Variants in CAMK4 observed in about 807,000 individuals in gnomAD.
CAMK4 encodes the protein calcium/calmodulin dependent protein kinase IV.
CAMK4 carries 22 observed loss-of-function variants against 44.9 expected under a neutral mutation model. The observed-to-expected ratio is 0.49, with a 90% confidence interval of 0.35 to 0.70. The LOEUF is 0.70. Ranked by LOEUF, CAMK4 falls within the 30% of genes least tolerant of loss-of-function variation. The pLI, the probability that CAMK4 is intolerant of heterozygous loss-of-function variation, is 0.01. For missense variants in CAMK4, 498 were observed against 586.8 expected, an observed-to-expected ratio of 0.85 and a Z score of 1.56; for synonymous variants, 218 against 215.4, an observed-to-expected ratio of 1.01 and a Z score of -0.11.
At chr5:111,288,542 A>G (rs73786873) in intron 1 of CAMK4, among the ~76,000 whole-genome samples, 3,168 of 152,266 alleles carry the variant, frequency 0.021, 108 homozygotes, top group African/African-American at 0.072. Flanking sequence ...ACTGTTTCAC[A>G]TTTAAGGCCT....
chr5:111,293,169 C>T (rs1747343627), intron 1 of CAMK4, among the ~76,000 whole-genome samples: 2 of 152,138 alleles, frequency 1.3e-5, no homozygotes, highest in South Asian at 2.1e-4. Flanking sequence ...TTGACACACA[C>T]ATTTATTATT....
chr5:111,411,528 C>T (rs1269035540), intron 5 of CAMK4, among the ~76,000 whole-genome samples: 3 of 152,206 alleles, frequency 2.0e-5, no homozygotes, highest in Non-Finnish European at 4.4e-5. Context: ...ACAGATGACT[C>T]TTCCACTGTG....
intron 1 of CAMK4, among the ~76,000 whole-genome samples, chr5:111,322,934 A>G (rs758208040): frequency 6.6e-6 from 1 of 152,144 alleles, no homozygotes; most frequent in African/African-American, 2.4e-5. Context: ...AGACAAATCA[A>G]TAGAAATTGT....
chr5:111,245,437 C>T (rs1422412730), intron 1 of CAMK4, among the ~76,000 whole-genome samples: 2 of 152,138 alleles, frequency 1.3e-5, no homozygotes, highest in South Asian at 2.1e-4. Context: ...ATTCACATGC[C>T]TATATCTAAG....
intron 7 of CAMK4, among the ~76,000 whole-genome samples, chr5:111,466,960 CA>C (rs1754857623): frequency 6.6e-6 from 1 of 151,980 alleles, no homozygotes; most frequent in African/African-American, 2.4e-5. Flanking sequence ...CCTTAGTCAC[CA>C]AAACAACATG....
At chr5:111,395,742 A>G (rs1385267062) in intron 5 of CAMK4, among the ~76,000 whole-genome samples, 5 of 152,174 alleles carry the variant, frequency 3.3e-5, no homozygotes, top group African/African-American at 9.7e-5. Context: ...ATCAGACTCA[A>G]CTGACTAAAA....
At chr5:111,318,277 A>G (rs948264680) in intron 1 of CAMK4, among the ~76,000 whole-genome samples, 2 of 152,116 alleles carry the variant, frequency 1.3e-5, no homozygotes, top group African/African-American at 4.8e-5. Context: ...GGTGGATCAC[A>G]ATTCTTTATG....
intron 5 of CAMK4, among the ~76,000 whole-genome samples, chr5:111,443,311 C>CT (rs1475873051): frequency 6.6e-5 from 8 of 120,478 alleles, no homozygotes; most frequent in African/African-American, 2.4e-4. Context: ...CACACACACA[C>CT]ACACTATATA....
At chr5:111,270,258 T>G (rs532522502) in intron 1 of CAMK4, among the ~76,000 whole-genome samples, 59 of 152,334 alleles carry the variant, frequency 3.9e-4, no homozygotes, top group Non-Finnish European at 6.3e-4. Context: ...TCTAAAAGGT[T>G]ACGTAAAACC....
intron 1 of CAMK4, among the ~76,000 whole-genome samples, chr5:111,317,219 C>T (rs1748463263): frequency 2.0e-5 from 3 of 152,078 alleles, no homozygotes; most frequent in African/African-American, 7.2e-5. Flanking sequence ...AATGTAGGGA[C>T]TGAAATGTGC....
intron 7 of CAMK4, among the ~76,000 whole-genome samples, chr5:111,471,150 C>T (rs1028536662): frequency 6.6e-6 from 1 of 152,162 alleles, no homozygotes; most frequent in Non-Finnish European, 1.5e-5. Flanking sequence ...TTAAAATTTC[C>T]ATTGAAAGCT....
rs185181387 is a variant in CAMK4, at chr5:111,455,141, A to G, written c.625+5938A>G. Among the ~76,000 whole-genome samples, 15 of 152,330 alleles carry G rather than the reference A, an allele frequency of 9.8e-5. No individual in the cohort carries two copies. The East Asian group carries it at 2.7e-3, about 27-fold the overall frequency. On this transcript the variant is annotated intron_variant, in intron 7 of 10. Transcript: ENST00000282356. ...TTCAGGCTTTAGTAATGGCAAATATATATTGTGCTTCTATTTAAGCCAAAA... is the reference window on the plus strand; with the variant it reads ...TTCAGGCTTTAGTAATGGCAAATATGTATTGTGCTTCTATTTAAGCCAAAA...
chr5:111,429,961 C>T (rs1171828372), intron 5 of CAMK4, among the ~76,000 whole-genome samples: 1 of 148,972 alleles, frequency 6.7e-6, no homozygotes, highest in African/African-American at 2.5e-5. Flanking sequence ...CCTCCAAACT[C>T]ATTCTATGAG....
In CAMK4 at chr5:111,361,061, A is replaced by G. The variant is rs77179359; in HGVS notation, c.241-13789A>G. 2.9e-3 allele frequency among the ~76,000 whole-genome samples: 439 copies of G among 152,196 alleles called. 2 individuals are homozygous for G. Among genetic ancestry groups the G allele is most frequent in the Non-Finnish European group, 5.1e-3 (350 of 67,970 alleles). ...ACCAAGTTTTTAGCATTCATGAACA[A>G]CATTAGCCAGGTTCTTTGAAAAAGG... On this transcript the variant is annotated intron_variant, in intron 2 of 10. Coordinates refer to ENST00000282356, the MANE Select transcript of CAMK4 (RefSeq NM_001744.6).
At chr5:111,364,072 TC>T (rs1750699245) in intron 2 of CAMK4, among the ~76,000 whole-genome samples, 1 of 151,998 alleles carries the variant, frequency 6.6e-6, no homozygotes. Flanking sequence ...TTTCCTCTAC[TC>T]CCAGGTGAAG....
chr5:111,344,681 A>G (rs1288053427), intron 2 of CAMK4, among the ~76,000 whole-genome samples: 1 of 151,742 alleles, frequency 6.6e-6, no homozygotes, highest in African/African-American at 2.4e-5. Flanking sequence ...TTGGAAAAAA[A>G]GGAAGGTTTT....
At chr5:111,407,905 C>T (rs990406007) in intron 5 of CAMK4, among the ~76,000 whole-genome samples, 1 of 152,104 alleles carries the variant, frequency 6.6e-6, no homozygotes, top group Non-Finnish European at 1.5e-5. Flanking sequence ...GTGGGCAGAT[C>T]ACTTGAGGTC....
chr5:111,299,169 C>T lies in CAMK4; in HGVS notation c.162-44855C>T, dbSNP rs186281051. 2.2e-4 allele frequency among the ~76,000 whole-genome samples: 33 copies of T among 152,344 alleles called. No homozygotes were observed. In the East Asian group the frequency reaches 3.3e-3, roughly 15 times the overall value. ...CGCTTTAGTCAGGAGTAGGCCAAGGCGACCTTCCAGCACAGCATGACTTAG... is the reference window on the plus strand; with the variant it reads ...CGCTTTAGTCAGGAGTAGGCCAAGGTGACCTTCCAGCACAGCATGACTTAG... On this transcript the variant is annotated intron_variant, in intron 1 of 10. Transcript: ENST00000282356.
chr5:111,277,039 CTG>C (rs1184778218), intron 1 of CAMK4, among the ~76,000 whole-genome samples: 1 of 152,160 alleles, frequency 6.6e-6, no homozygotes, highest in Non-Finnish European at 1.5e-5. Context: ...CCCCACTTGA[CTG>C]AATTTCCATT....
Sources: allele counts gnomAD v4.1 joint callset (sites outside exome capture counted in the v4.1 genomes callset), GRCh38; gene constraint gnomAD v4.1.1; transcripts MANE v1.5; gene names NCBI Gene and HGNC (gene_info 2026-07-23, HGNC 2026-07-21).